The following NTM variants were observed in gnomAD, a reference collection of about 807,000 sequenced individuals.
The protein encoded by NTM is neurotrimin.
NTM carries 13 observed loss-of-function variants against 42.1 expected under a neutral mutation model. The observed-to-expected ratio is 0.31, with a 90% CI of 0.20 to 0.49. NTM has a LOEUF of 0.49. NTM is among the 20% of genes least tolerant of loss of function. NTM has a pLI of 0.99. For missense variants in NTM, 373 were observed against 452.8 expected (o/e 0.82, Z 1.60); for synonymous variants, 187 against 179.2 (o/e 1.04, Z -0.35).
intron 2 of NTM, among the ~76,000 whole-genome samples, chr11:132,113,680 A>G (rs577833846): frequency 1.1e-4 from 17 of 152,320 alleles, no homozygotes; most frequent in Admixed American, 2.0e-4. Flanking sequence ...TGGGTTGTCA[A>G]TGAAGCCAAT....
At chr11:131,875,937 G>A (rs1196311830) in intron 1 of NTM, among the ~76,000 whole-genome samples, 1 of 152,244 alleles carries the variant, frequency 6.6e-6, no homozygotes, top group Non-Finnish European at 1.5e-5. Flanking sequence ...GAGGCAGCGA[G>A]GAGCCTCCCA....
At chr11:132,068,811 A>G (rs992389581) in intron 2 of NTM, among the ~76,000 whole-genome samples, 1 of 152,222 alleles carries the variant, frequency 6.6e-6, no homozygotes, top group African/African-American at 2.4e-5. Context: ...TTTCTGGCAC[A>G]GGCTGAAGCT....
chr11:131,706,197 G>GA (rs1420852363), intron 1 of NTM, among the ~76,000 whole-genome samples: 3 of 151,356 alleles, frequency 2.0e-5, no homozygotes, highest in Admixed American at 6.6e-5. Context: ...ACTTATACTG[G>GA]AAAAAATAGA....
chr11:131,453,610 A>G (rs934618797), intron 1 of NTM, among the ~76,000 whole-genome samples: 14 of 152,220 alleles, frequency 9.2e-5, no homozygotes, highest in African/African-American at 3.4e-4. Context: ...CAAGTCCACA[A>G]GGAGCCTTCT....
At chr11:131,789,298 A>T (rs2089789406) in intron 1 of NTM, among the ~76,000 whole-genome samples, 1 of 151,138 alleles carries the variant, frequency 6.6e-6, no homozygotes, top group African/African-American at 2.4e-5. Flanking sequence ...TATTTTAAAA[A>T]GACACATGCC....
At chr11:131,712,839 T>C (rs2135317664) in intron 1 of NTM, among the ~76,000 whole-genome samples, 1 of 151,700 alleles carries the variant, frequency 6.6e-6, no homozygotes, top group South Asian at 2.1e-4. Flanking sequence ...CACCTCAGGC[T>C]CCCAAATTCC....
chr11:132,249,711 A>T (rs2091702470), intron 4 of NTM, among the ~76,000 whole-genome samples: 1 of 152,332 alleles, frequency 6.6e-6, no homozygotes, highest in Admixed American at 6.5e-5. Context: ...TTTCTCCTGA[A>T]TGTGATCTCT....
At chr11:132,287,402 G>A (rs1180281816) in intron 4 of NTM, among the ~76,000 whole-genome samples, 1 of 152,184 alleles carries the variant, frequency 6.6e-6, no homozygotes, top group Non-Finnish European at 1.5e-5. Flanking sequence ...CTTGAGAGAA[G>A]CATTCTTTTA....
At chr11:132,217,252 G>A (rs958918615) in intron 4 of NTM, among the ~76,000 whole-genome samples, 3 of 152,066 alleles carry the variant, frequency 2.0e-5, no homozygotes, top group Non-Finnish European at 4.4e-5. Flanking sequence ...ATTCCTTATA[G>A]GTTAACTAAA....
chr11:131,865,163 C>T (rs1402217549), intron 1 of NTM, among the ~76,000 whole-genome samples: 1 of 152,184 alleles, frequency 6.6e-6, no homozygotes, highest in Non-Finnish European at 1.5e-5. Context: ...TCCCCATTTA[C>T]AGATAAGAAT....
intron 1 of NTM, among the ~76,000 whole-genome samples, chr11:131,910,472 C>T (rs903648297): frequency 7.3e-5 from 11 of 151,376 alleles, no homozygotes; most frequent in Non-Finnish European, 1.2e-4. Context: ...CCGCGCCCCG[C>T]GCCCCGCGCC....
At chr11:131,528,802 T>A (rs182704016) in intron 1 of NTM, among the ~76,000 whole-genome samples, 1 of 152,356 alleles carries the variant, frequency 6.6e-6, no homozygotes, top group African/African-American at 2.4e-5. Context: ...TAACAGCCTA[T>A]GACTGTAGCT....
At chr11:132,112,579 C>T (rs1287343028) in intron 2 of NTM, among the ~76,000 whole-genome samples, 1 of 152,134 alleles carries the variant, frequency 6.6e-6, no homozygotes, top group Non-Finnish European at 1.5e-5. Flanking sequence ...GTAGGCAACA[C>T]TGAATGCAGC....
chr11:131,411,580 T>TGA (rs1238132047), intron 1 of NTM, among the ~76,000 whole-genome samples: 2 of 147,168 alleles, frequency 1.4e-5, no homozygotes, highest in Admixed American at 1.3e-4. Flanking sequence ...TGTGTGTGTG[T>TGA]GTGTGTGTAC....
At chr11:131,462,239 G>A (rs1951448142) in intron 1 of NTM, among the ~76,000 whole-genome samples, 1 of 152,192 alleles carries the variant, frequency 6.6e-6, no homozygotes, top group Non-Finnish European at 1.5e-5. Context: ...TCGGGTCTGG[G>A]GTTGTGGGAT....
chr11:131,872,628 T>A (rs1168542948), intron 1 of NTM, among the ~76,000 whole-genome samples: 1 of 152,194 alleles, frequency 6.6e-6, no homozygotes, highest in East Asian at 1.9e-4. Flanking sequence ...AGAATATGAA[T>A]GGTGTATTTA....
chr11:132,291,586 C>A (rs903206805), intron 4 of NTM, among the ~76,000 whole-genome samples: 2 of 152,038 alleles, frequency 1.3e-5, no homozygotes, highest in Non-Finnish European at 2.9e-5. Flanking sequence ...ATGTTCAAAG[C>A]CACAGAATAA....
chr11:132,309,310 T>C (rs2095205601), intron 5 of NTM, among the ~76,000 whole-genome samples: 1 of 152,260 alleles, frequency 6.6e-6, no homozygotes, highest in Non-Finnish European at 1.5e-5. Flanking sequence ...TGCTCTGGTT[T>C]GATTCAGGGA....
intron 2 of NTM, among the ~76,000 whole-genome samples, chr11:131,932,763 G>T (rs2058770659): frequency 6.6e-6 from 1 of 152,196 alleles, no homozygotes; most frequent in African/African-American, 2.4e-5. Flanking sequence ...TCCAGATGCT[G>T]CTGAGCTGGG....
Sources: allele counts gnomAD v4.1 joint callset (sites outside exome capture counted in the v4.1 genomes callset), GRCh38; gene constraint gnomAD v4.1.1; transcripts MANE v1.5; gene names NCBI Gene and HGNC (gene_info 2026-07-23, HGNC 2026-07-21).